The following GALNT15 variants were observed in gnomAD, a reference collection of about 807,000 sequenced individuals.
The protein encoded by GALNT15 is polypeptide N-acetylgalactosaminyltransferase 15, also known as UDP-GalNAc transferase T15.
A neutral mutation model predicts 66.8 loss-of-function variants in GALNT15; 67 were observed. The observed-to-expected ratio is 1.00, with a 90% CI of 0.82 to 1.23. The LOEUF is 1.23. Ranked by LOEUF, GALNT15 falls within the 50% of genes most tolerant of loss-of-function variation. GALNT15 has a pLI of 0.00. For missense variants in GALNT15, 827 were observed against 804.3 expected, an observed-to-expected ratio of 1.03 and a Z score of -0.34; for synonymous variants, 313 against 311.5, an observed-to-expected ratio of 1.00 and a Z score of -0.05.
In GALNT15 at chr3:16,195,772, G is replaced by A. The variant is rs1413513053; in HGVS notation, c.552G>A (p.Gln184=). 6.2e-7 allele frequency: 1 copy of A among 1,612,348 alleles called. No homozygotes were observed. Among genetic ancestry groups the A allele is most frequent in the South Asian group, 1.1e-5 (1 of 90,886 alleles). Residue 184 remains glutamine, a synonymous_variant, in exon 2 of 10, where the codon CAG becomes CAA. Coordinates refer to ENST00000339732, the MANE Select transcript of GALNT15 (RefSeq NM_054110.5). The surrounding 1 kb of genome is among the most constrained non-coding windows in gnomAD (Gnocchi z 4.6). ...CTCTTCCCTGCAGGTGTCTGCAGCAGCACCCTCAGGACAGCCTGCCCACAG... is the reference window on the plus strand; with the variant it reads ...CTCTTCCCTGCAGGTGTCTGCAGCAACACCCTCAGGACAGCCTGCCCACAG... ...PEVRHPLCLQ[Q]HPQDSLPTAS... is the part of the protein sequence containing the mutation.
intron 1 of GALNT15, among the ~76,000 whole-genome samples, chr3:16,177,711 T>G (rs2063425422): frequency 6.6e-6 from 1 of 152,256 alleles, no homozygotes. Context: ...GTGTTGCAGT[T>G]TGCTATTTGT....
chr3:16,248,064 C>A, the GALNT15 span, among the ~76,000 whole-genome samples: 1 of 152,174 alleles, frequency 6.6e-6, no homozygotes, highest in Non-Finnish European at 1.5e-5. This position sits in a 1 kb window ranked among gnomAD's most constrained non-coding sequence, Gnocchi z 4.9. Context: ...TGAAGAGGGG[C>A]GGTGTTTCTC....
In GALNT15 at chr3:16,195,356, A is replaced by T. The variant is rs960597269; in HGVS notation, c.540-404A>T. Among the ~76,000 whole-genome samples, 3 of 152,096 alleles carry T rather than the reference A, an allele frequency of 2.0e-5. No homozygotes were observed. Among genetic ancestry groups the T allele is most frequent in the Non-Finnish European group, 4.4e-5 (3 of 68,036 alleles). Reference sequence around the variant, plus strand: ...CTTCAGCCCCACTCCATCTCCAGAAACTCTGGGGGTGGGCCCTGCAGTCAG... The same window carrying T: ...CTTCAGCCCCACTCCATCTCCAGAATCTCTGGGGGTGGGCCCTGCAGTCAG... On this transcript the variant is annotated intron_variant, in intron 1 of 9. Transcript: ENST00000339732. The surrounding 1 kb of genome is among the most constrained non-coding windows in gnomAD (Gnocchi z 4.6).
chr3:16,190,570 G>A (rs1025255733), intron 1 of GALNT15, among the ~76,000 whole-genome samples: 2 of 151,384 alleles, frequency 1.3e-5, no homozygotes, highest in African/African-American at 4.9e-5. Context: ...CCCGGGAGGC[G>A]GAGCTTGCAG....
In GALNT15 at chr3:16,227,625, A is replaced by G; in HGVS notation, c.*125A>G. The G allele has an allele frequency of 6.5e-7, 1 of 1,544,650 alleles. No individual in the cohort carries two copies. Among genetic ancestry groups the G allele is most frequent in the Non-Finnish European group, 8.7e-7 (1 of 1,154,820 alleles). On this transcript the variant is annotated 3_prime_UTR_variant, in exon 10 of 10. Coordinates refer to ENST00000339732, the MANE Select transcript of GALNT15 (RefSeq NM_054110.5). This position sits in a 1 kb window ranked among gnomAD's most constrained non-coding sequence, Gnocchi z 4.5. Reference sequence around the variant, plus strand: ...GTGTGCTCCTGGTGTTAGGAGAGAAAAAAGCTCTATGAAAGAATATAGGAA... The same window carrying G: ...GTGTGCTCCTGGTGTTAGGAGAGAAGAAAGCTCTATGAAAGAATATAGGAA...
rs1408317337 is a variant in GALNT15 at position 16,183,607 on chromosome 3, G to A, written c.539+7917G>A. ...CCCAGCCCCAACCCCAAGAAGCTTG[G>A]GGTGCACTGGGGGATGCAGACAAGC... On this transcript the variant is annotated intron_variant, in intron 1 of 9. Coordinates refer to ENST00000339732, the MANE Select transcript of GALNT15 (RefSeq NM_054110.5). The surrounding 1 kb of genome is among the most constrained non-coding windows in gnomAD (Gnocchi z 5.2). Among the ~76,000 whole-genome samples the A allele has an allele frequency of 6.6e-6, 1 of 152,216 alleles. No individual in the cohort carries two copies. The highest frequency in any genetic ancestry group is 1.5e-5 in the Non-Finnish European group (1 of 68,036).
rs1158670461 is a variant in GALNT15, at chr3:16,186,157, C to G, written c.540-9603C>G. Among the ~76,000 whole-genome samples the G allele has an allele frequency of 1.3e-5, 2 of 152,036 alleles. No individual in the cohort carries two copies. The highest frequency in any genetic ancestry group is 2.9e-5 in the Non-Finnish European group (2 of 68,016). ...CAAAGGATTTGAATAGACATTTCTT[C>G]AAAGAAGACATAAAAATGGTCAATA... On this transcript the variant is annotated intron_variant, in intron 1 of 9. Coordinates refer to ENST00000339732, the MANE Select transcript of GALNT15 (RefSeq NM_054110.5). The surrounding 1 kb of genome is among the most constrained non-coding windows in gnomAD (Gnocchi z 5.1).
Position 16,191,259 on chromosome 3 carries a change from G to C in GALNT15, c.540-4501G>C. ...TCTGCCTCCTTCTTCCTCCTGCTGC[G>C]GGAAGGAGCCCCCAAAGAATCAAGA... On this transcript the variant is annotated intron_variant, in intron 1 of 9. Transcript: ENST00000339732. The surrounding 1 kb of genome is among the most constrained non-coding windows in gnomAD (Gnocchi z 5.2). The C allele has an allele frequency of 1.2e-6, 1 of 860,470 alleles. No homozygotes were observed. The highest frequency in any genetic ancestry group is 1.4e-6 in the Non-Finnish European group (1 of 716,096). 53.3% of individuals were successfully genotyped at this position (860,470 alleles called of 1,614,324 possible). A position where few individuals can be genotyped will look rare whatever the true frequency, so the allele number is the denominator to read the frequency against.
chr3:16,213,111 G>T (rs565035843), intron 6 of GALNT15, among the ~76,000 whole-genome samples: 2 of 152,178 alleles, frequency 1.3e-5, no homozygotes, highest in South Asian at 2.1e-4. Flanking sequence ...TGAGCAAAGG[G>T]CTCAGGGCTA....
In GALNT15 at chr3:16,227,825, C is replaced by T; in HGVS notation, c.*325C>T. On this transcript the variant is annotated 3_prime_UTR_variant, in exon 10 of 10. Transcript: ENST00000339732. The surrounding 1 kb of genome is among the most constrained non-coding windows in gnomAD (Gnocchi z 4.5). ...TTGCTTTCTCTCTGGCCTGGACATTCTCTGGCAGCACCTCCAGGATACATA... is the reference window on the plus strand; with the variant it reads ...TTGCTTTCTCTCTGGCCTGGACATTTTCTGGCAGCACCTCCAGGATACATA... 1 of 1,081,918 alleles carries T rather than the reference C, an allele frequency of 9.2e-7. No individual in the cohort carries two copies. The highest frequency in any genetic ancestry group is 5.1e-5 in the Admixed American group (1 of 19,740). 67.0% of individuals were successfully genotyped at this position (1,081,918 alleles called of 1,614,324 possible).
intron 1 of GALNT15, among the ~76,000 whole-genome samples, chr3:16,190,565 G>A (rs1430471282): frequency 6.6e-6 from 1 of 151,788 alleles, no homozygotes; most frequent in African/African-American, 2.4e-5. Flanking sequence ...GTGAGCCCGG[G>A]AGGCGGAGCT....
rs762478480 is a variant in GALNT15, at chr3:16,219,375, A to G, written c.1393-28A>G. 59 of 1,611,588 alleles carry G rather than the reference A, an allele frequency of 3.7e-5. No individual in the cohort carries two copies. The Middle Eastern group carries it at 1.7e-3, about 45-fold the overall frequency. On this transcript the variant is annotated intron_variant, in intron 6 of 9. Coordinates refer to ENST00000339732, the MANE Select transcript of GALNT15 (RefSeq NM_054110.5). This position sits in a 1 kb window ranked among gnomAD's most constrained non-coding sequence, Gnocchi z 4.3. ...ATTCTGGGCAAGACAAGCTTTCATC[A>G]TCCTGCTTGTGTCTTTCTCCTCCCC...
At chr3:16,217,444 G>A (rs182521571) in intron 6 of GALNT15, among the ~76,000 whole-genome samples, 1 of 152,226 alleles carries the variant, frequency 6.6e-6, no homozygotes, top group East Asian at 1.9e-4. Flanking sequence ...TGATTTCAAG[G>A]TTTCAGTGAC....
At chr3:16,230,661 G>C (rs1265498858), downstream of GALNT15, among the ~76,000 whole-genome samples, 1 of 152,046 alleles carries the variant, frequency 6.6e-6, no homozygotes, top group Non-Finnish European at 1.5e-5. This position sits in a 1 kb window ranked among gnomAD's most constrained non-coding sequence, Gnocchi z 4.5. Flanking sequence ...ATTGATACAG[G>C]CTGCCTTGCT....
Position 16,203,543 on chromosome 3 carries a change from T to TCTCTCACA in GALNT15, c.911+2721_911+2722insTCTCACAC, listed in dbSNP as rs1491187404. ...CATTCTCTCTCTCTCTCTCTCTCTCTCACACACACACACACACACACACAC... is the reference window on the plus strand; with the variant it reads ...CATTCTCTCTCTCTCTCTCTCTCTCTCTCTCACACACACACACACACACACACACACAC... On this transcript the variant is annotated intron_variant, in intron 3 of 9. Coordinates refer to ENST00000339732, the MANE Select transcript of GALNT15 (RefSeq NM_054110.5). The surrounding 1 kb of genome is among the most constrained non-coding windows in gnomAD (Gnocchi z 6.2). 1.2e-3 allele frequency among the ~76,000 whole-genome samples: 71 copies of TCTCTCACA among 61,152 alleles called. No individual in the cohort carries two copies. Among genetic ancestry groups the TCTCTCACA allele is most frequent in the African/African-American group, 3.2e-3 (59 of 18,304 alleles). 40.1% of individuals were successfully genotyped at this position (61,152 alleles called of 152,430 possible). A position where few individuals can be genotyped will look rare whatever the true frequency, so the allele number is the denominator to read the frequency against.
chr3:16,198,086 T>G (rs893705877), intron 2 of GALNT15, among the ~76,000 whole-genome samples: 3 of 142,730 alleles, frequency 2.1e-5, no homozygotes, highest in African/African-American at 7.8e-5. Flanking sequence ...AGAAACCTGC[T>G]GCAGTGACTT....
chr3:16,244,226 T>G, the GALNT15 span, among the ~76,000 whole-genome samples: 1 of 152,230 alleles, frequency 6.6e-6, no homozygotes, highest in Non-Finnish European at 1.5e-5. Flanking sequence ...ACCTGAGTGA[T>G]GCCAGCAGCA....
In GALNT15 at chr3:16,212,574, G is replaced by A. The variant is rs1224035659; in HGVS notation, c.1203G>A (p.Trp401Ter). Residue 401 changes from tryptophan (W) to a stop codon, truncating the protein, a stop_gained, in exon 6 of 10, where the codon TGG (tryptophan) becomes TGA (stop). Coordinates refer to ENST00000339732, the MANE Select transcript of GALNT15 (RefSeq NM_054110.5). LOFTEE classifies it high-confidence loss of function. Reference sequence around the variant, plus strand: ...ATCTTTTCCCTTCGTGGCAGGCCTGGCTCTGTGGTGGCTCTGTTGAAATCC... The same window carrying A: ...ATCTTTTCCCTTCGTGGCAGGCCTGACTCTGTGGTGGCTCTGTTGAAATCC... Reference protein sequence around the residue: ...GENLELSFKAWLCGGSVEILP... With the variant: ...GENLELSFKA The A allele has an allele frequency of 6.2e-6, 10 of 1,612,698 alleles. No homozygotes were observed. In the Admixed American group the frequency reaches 6.7e-5, roughly 11 times the overall value.
rs917619245 is a variant in GALNT15, at chr3:16,191,137, A to C, written c.540-4623A>C. 6.6e-6 allele frequency among the ~76,000 whole-genome samples: 1 copy of C among 152,110 alleles called. No individual in the cohort carries two copies. The highest frequency in any genetic ancestry group is 2.4e-5 in the African/African-American group (1 of 41,406). On this transcript the variant is annotated intron_variant, in intron 1 of 9. Transcript: ENST00000339732. This position sits in a 1 kb window ranked among gnomAD's most constrained non-coding sequence, Gnocchi z 5.2. ...TTGGTTCACCATCTTCTCTCTCACT[A>C]TGAGGAGAGAAGTTACATCTGTTCA...
Sources: allele counts gnomAD v4.1 joint callset (sites outside exome capture counted in the v4.1 genomes callset), GRCh38; gene constraint gnomAD v4.1.1; non-coding constraint Gnocchi (gnomAD v3.1); transcripts MANE v1.5; gene names NCBI Gene and HGNC (gene_info 2026-07-23, HGNC 2026-07-21).